Variants in BABAM2 observed in about 807,000 individuals in gnomAD.
BABAM2 encodes BRISC and BRCA1 A complex member 2, also known as BRISC and BRCA1-A complex member 2.
In BABAM2, 31 loss-of-function variants were observed where a neutral mutation model predicts 54.7. That is an observed-to-expected ratio of 0.57 (90% confidence interval 0.43 to 0.77). The LOEUF (loss-of-function observed/expected upper bound fraction) is 0.77. Ranked by LOEUF, BABAM2 falls within the 30% of genes least tolerant of loss-of-function variation. The pLI, the probability that BABAM2 is intolerant of heterozygous loss-of-function variation, is 0.00. For missense variants in BABAM2, 364 were observed against 455.8 expected, an observed-to-expected ratio of 0.80 and a Z score of 1.83; for synonymous variants, 167 against 162.9, an observed-to-expected ratio of 1.03 and a Z score of -0.19.
chr2:27,987,594 C>T (rs1573333889), intron 3 of BABAM2, among the ~76,000 whole-genome samples: 1 of 151,946 alleles, frequency 6.6e-6, no homozygotes, highest in Non-Finnish European at 1.5e-5. Context: ...GTGGGTTGAT[C>T]GCTTGAGCTC....
At chr2:28,015,239 G>A (rs1674713487) in intron 4 of BABAM2, among the ~76,000 whole-genome samples, 1 of 152,172 alleles carries the variant, frequency 6.6e-6, no homozygotes, top group Non-Finnish European at 1.5e-5. Context: ...TAGCTAAAGA[G>A]ATAGCAAACC....
At chr2:28,240,896 C>A (rs1248498657) in intron 8 of BABAM2, among the ~76,000 whole-genome samples, 12 of 146,928 alleles carry the variant, frequency 8.2e-5, no homozygotes, top group South Asian at 4.3e-4. Context: ...CAAAAAAAAC[C>A]CATTTATTTT....
At chr2:28,024,964 G>A (rs1487809577) in intron 4 of BABAM2, among the ~76,000 whole-genome samples, 2 of 152,174 alleles carry the variant, frequency 1.3e-5, no homozygotes, top group African/African-American at 2.4e-5. Flanking sequence ...GTTACTACCC[G>A]GCTTTACACT....
intron 7 of BABAM2, among the ~76,000 whole-genome samples, chr2:28,195,446 C>G (rs1237263955): frequency 6.6e-6 from 1 of 152,072 alleles, no homozygotes; most frequent in Non-Finnish European, 1.5e-5. Flanking sequence ...ATTCAGATAT[C>G]TGTCTGGAAA....
chr2:27,907,077 C>T (rs1447892937), intron 2 of BABAM2, among the ~76,000 whole-genome samples: 1 of 152,074 alleles, frequency 6.6e-6, no homozygotes, highest in African/African-American at 2.4e-5. Flanking sequence ...CTCTTTTCAG[C>T]TGCCATGTTA....
intron 5 of BABAM2, among the ~76,000 whole-genome samples, chr2:28,039,706 G>C (rs1163975139): frequency 6.6e-6 from 1 of 152,206 alleles, no homozygotes; most frequent in Non-Finnish European, 1.5e-5. Flanking sequence ...CTTCTAAAAG[G>C]AGAAGAAAAC....
chr2:27,992,624 T>C, intron 4 of BABAM2, among the ~76,000 whole-genome samples: 1 of 152,200 alleles, frequency 6.6e-6, no homozygotes, highest in Non-Finnish European at 1.5e-5. Context: ...GGAGTCTCCA[T>C]TGTAATAAAA....
intron 3 of BABAM2, among the ~76,000 whole-genome samples, chr2:27,941,295 T>A (rs906513946): frequency 6.6e-6 from 1 of 152,176 alleles, no homozygotes; most frequent in African/African-American, 2.4e-5. Context: ...CCAGGCGCGG[T>A]GGCTCACGCC....
intron 7 of BABAM2, among the ~76,000 whole-genome samples, chr2:28,139,341 A>AGAAAAG (rs141509455): frequency 3.2e-5 from 4 of 123,980 alleles, no homozygotes; most frequent in African/African-American, 1.3e-4. Flanking sequence ...AAAAAAAAAA[A>AGAAAAG]AAAAGAAAAA....
At chr2:28,056,895 C>T (rs901255925) in intron 6 of BABAM2, among the ~76,000 whole-genome samples, 1 of 152,114 alleles carries the variant, frequency 6.6e-6, no homozygotes, top group Admixed American at 6.5e-5. Context: ...TGGTTTTTGT[C>T]AGTGCTGTGC....
chr2:28,242,756 C>T (rs962306496), intron 9 of BABAM2, among the ~76,000 whole-genome samples: 1 of 152,150 alleles, frequency 6.6e-6, no homozygotes, highest in Non-Finnish European at 1.5e-5. Context: ...AGACATTTTT[C>T]TCATTCCCAT....
chr2:27,911,394 A>T, intron 2 of BABAM2, among the ~76,000 whole-genome samples: 1 of 152,124 alleles, frequency 6.6e-6, no homozygotes, highest in East Asian at 1.9e-4. Context: ...TCCATATTGT[A>T]TGTAAGCAAA....
intron 7 of BABAM2, among the ~76,000 whole-genome samples, chr2:28,193,281 T>G (rs925855317): frequency 9.2e-5 from 14 of 152,180 alleles, no homozygotes; most frequent in Admixed American, 6.5e-5. Context: ...GAGGCTAATA[T>G]CTCTGCACTC....
At chr2:27,922,256 A>G (rs542635992) in intron 2 of BABAM2, among the ~76,000 whole-genome samples, 1 of 152,368 alleles carries the variant, frequency 6.6e-6, no homozygotes, top group East Asian at 1.9e-4. Flanking sequence ...GCTAGGTGCT[A>G]TACTAGGACT....
chr2:28,094,602 G>A (rs1190433802), intron 6 of BABAM2, among the ~76,000 whole-genome samples: 1 of 151,912 alleles, frequency 6.6e-6, no homozygotes, highest in Non-Finnish European at 1.5e-5. Flanking sequence ...TAAAATTAAT[G>A]TAAATAGTTA....
intron 7 of BABAM2, among the ~76,000 whole-genome samples, chr2:28,190,565 T>C (rs987460119): frequency 9.2e-5 from 14 of 152,146 alleles, no homozygotes; most frequent in African/African-American, 3.4e-4. Context: ...TGCATGTCTG[T>C]AATCTTAGCT....
At chr2:28,117,257 C>T (rs1668690550) in intron 6 of BABAM2, among the ~76,000 whole-genome samples, 1 of 152,148 alleles carries the variant, frequency 6.6e-6, no homozygotes, top group African/African-American at 2.4e-5. Context: ...TGATGAAGGC[C>T]CAGCATTCCA....
intron 6 of BABAM2, among the ~76,000 whole-genome samples, chr2:28,085,742 G>A (rs1196932296): frequency 6.6e-6 from 1 of 152,046 alleles, no homozygotes; most frequent in East Asian, 1.9e-4. Flanking sequence ...TATTGCCTCA[G>A]GATCATCATA....
chr2:27,897,950 T>C (rs1485376687), intron 2 of BABAM2, among the ~76,000 whole-genome samples: 2 of 152,200 alleles, frequency 1.3e-5, no homozygotes, highest in Non-Finnish European at 2.9e-5. Flanking sequence ...CTGCAGAAAG[T>C]AGAGTGATGT....
Sources: gnomAD v4.1 joint callset for allele counts (sites outside exome capture counted in the v4.1 genomes callset) on GRCh38, gnomAD v4.1.1 for gene constraint, MANE v1.5 for transcripts, NCBI Gene and HGNC (gene_info 2026-07-23, HGNC 2026-07-21) for gene names.